GNL3L: variants seen among roughly 807,000 people sequenced by gnomAD.
GNL3L encodes the protein guanine nucleotide-binding protein-like 3-like protein.
A neutral mutation model predicts 42.9 loss-of-function variants in GNL3L; 4 were observed. The ratio of observed to expected loss-of-function variants is 0.09; its 90% CI spans 0.05 to 0.21. The LOEUF (loss-of-function observed/expected upper bound fraction) is 0.21. Ranked by LOEUF, GNL3L falls within the 10% of genes least tolerant of loss-of-function variation. The pLI, the probability that GNL3L is intolerant of heterozygous loss-of-function variation, is 1.00. For synonymous variants in GNL3L, 159 were observed against 176.3 expected, an observed-to-expected ratio of 0.90 and a Z score of 0.78; for missense variants, 412 against 481.7, an observed-to-expected ratio of 0.86 and a Z score of 1.36.
At chrX:54,548,913 G>A (rs140528160) in intron 9 of GNL3L, among the ~76,000 whole-genome samples, 1,697 of 111,436 alleles carry the variant, frequency 0.015, 24 homozygotes, top group African/African-American at 0.053. Flanking sequence ...TACAGAAGAA[G>A]ACACAGAGAA....
chrX:54,555,501 C>T (rs1399693660), intron 14 of GNL3L, among the ~76,000 whole-genome samples: 1 of 109,409 alleles, frequency 9.1e-6, no homozygotes, highest in African/African-American at 3.3e-5. Context: ...GATGGAAACT[C>T]GCTCTGCCAC....
At chrX:54,546,587 C>A (rs766802782) in intron 8 of GNL3L, among the ~76,000 whole-genome samples, 12 of 112,503 alleles carry the variant, frequency 1.1e-4, no homozygotes, top group Non-Finnish European at 1.9e-4. Context: ...TAGCATTAAA[C>A]TTTTAAACCT....
intron 16 of GNL3L, among the ~76,000 whole-genome samples, chrX:54,591,580 G>A (rs1328524384): frequency 1.9e-5 from 2 of 102,952 alleles, no homozygotes; most frequent in African/African-American, 3.6e-5. Flanking sequence ...GTGACAGAGC[G>A]AGACTTTGTC....
intron 16 of GNL3L, among the ~76,000 whole-genome samples, chrX:54,588,137 A>G (rs1925812737): frequency 8.9e-6 from 1 of 111,986 alleles, no homozygotes; most frequent in African/African-American, 3.2e-5. Context: ...TTCTATGTAG[A>G]TTATCATGTC....
downstream of GNL3L, among the ~76,000 whole-genome samples, chrX:54,570,822 T>A (rs1325351504): frequency 8.9e-6 from 1 of 111,867 alleles, no homozygotes; most frequent in Non-Finnish European, 1.9e-5. Context: ...TTATAAACCT[T>A]AAAATACATT....
chrX:54,598,349 A>G (rs753909348), intron 16 of GNL3L, among the ~76,000 whole-genome samples: 1 of 111,613 alleles, frequency 9.0e-6, no homozygotes, highest in Non-Finnish European at 1.9e-5. Context: ...GAGGTATTTG[A>G]AGCCACTGGC....
At chrX:54,630,487 T>A in the GNL3L span, among the ~76,000 whole-genome samples, 4 of 111,108 alleles carry the variant, frequency 3.6e-5, no homozygotes, top group African/African-American at 9.8e-5. Context: ...ACATTTTAAT[T>A]TCCATCTTGA....
chrX:54,579,440 C>T (rs757393026), intron 16 of GNL3L, among the ~76,000 whole-genome samples: 18 of 111,924 alleles, frequency 1.6e-4, no homozygotes, highest in Non-Finnish European at 2.6e-4. Flanking sequence ...CTTGCTTTGC[C>T]GCCCAGGCTG....
chrX:54,633,709 T>TGA, the GNL3L span, among the ~76,000 whole-genome samples: 1 of 111,595 alleles, frequency 9.0e-6, no homozygotes, highest in Non-Finnish European at 1.9e-5. Flanking sequence ...GTGACAGGCC[T>TGA]CACTCAGTTC....
intron 16 of GNL3L, among the ~76,000 whole-genome samples, chrX:54,619,733 G>A (rs940422260): frequency 9.0e-6 from 1 of 111,046 alleles, no homozygotes; most frequent in Non-Finnish European, 1.9e-5. Flanking sequence ...GATGGAGTTA[G>A]GTGGGAAACA....
intron 16 of GNL3L, among the ~76,000 whole-genome samples, chrX:54,608,400 G>T (rs1435052560): frequency 9.1e-6 from 1 of 110,081 alleles, no homozygotes; most frequent in Non-Finnish European, 1.9e-5. Context: ...GTGGTATTTG[G>T]TTACATGAGT....
At chrX:54,613,881 C>CT (rs1484304378) in intron 16 of GNL3L, among the ~76,000 whole-genome samples, 3 of 110,407 alleles carry the variant, frequency 2.7e-5, no homozygotes, top group Non-Finnish European at 5.7e-5. Context: ...GTTTAATGCT[C>CT]TTTTTTTGTG....
intron 2 of GNL3L, among the ~76,000 whole-genome samples, chrX:54,533,384 A>T: frequency 9.2e-6 from 1 of 108,527 alleles, no homozygotes; most frequent in African/African-American, 3.4e-5. Context: ...AAAAAAAAGG[A>T]ATAAAACAAA....
At chrX:54,536,315 G>T (rs1924422319) in intron 2 of GNL3L, among the ~76,000 whole-genome samples, 2 of 109,915 alleles carry the variant, frequency 1.8e-5, no homozygotes, top group South Asian at 3.9e-4. Context: ...GACCTCAAGT[G>T]ATCCACCCGC....
At chrX:54,530,626 C>T (rs1251762698) in intron 1 of GNL3L, among the ~76,000 whole-genome samples, 1 of 112,007 alleles carries the variant, frequency 8.9e-6, no homozygotes. Flanking sequence ...CGTTGATCGT[C>T]CTCAAGATAG....
rs184147879 is a variant in GNL3L, at chrX:54,608,960, C to T, written c.*46-11885C>T. Among the ~76,000 whole-genome samples, 397 of 112,055 alleles carry T rather than the reference C, an allele frequency of 3.5e-3. 1 individual carries two copies. Among genetic ancestry groups the T allele is most frequent in the African/African-American group, 0.012 (376 of 30,909 alleles). ...TTTCCATAGTGGCTGTACTAGTTTA[C>T]ATTCCCATCAGCAGTGTAGAAGTGT... On this transcript the variant is annotated intron_variant, in intron 16 of 16. Transcript: ENST00000674498.
At chrX:54,584,645 A>G (rs1381558939) in intron 16 of GNL3L, among the ~76,000 whole-genome samples, 1 of 112,723 alleles carries the variant, frequency 8.9e-6, no homozygotes, top group Non-Finnish European at 1.9e-5. Flanking sequence ...TACAATGAAC[A>G]TGGTAGTACA....
At chrX:54,643,451 ATAATT>A in the GNL3L span, among the ~76,000 whole-genome samples, 2 of 110,021 alleles carry the variant, frequency 1.8e-5, no homozygotes, top group South Asian at 3.8e-4. Context: ...TTCTTTTTAA[ATAATT>A]TAATTTAATT....
chrX:54,599,468 C>G (rs1007887058), intron 16 of GNL3L, among the ~76,000 whole-genome samples: 1 of 111,317 alleles, frequency 9.0e-6, no homozygotes, highest in Non-Finnish European at 1.9e-5. Context: ...AATCATTTTT[C>G]CCCTGTAGCT....
Sources: gnomAD v4.1 joint callset for allele counts (sites outside exome capture counted in the v4.1 genomes callset) on GRCh38, gnomAD v4.1.1 for gene constraint, MANE v1.5 for transcripts, NCBI Gene and HGNC (gene_info 2026-07-23, HGNC 2026-07-21) for gene names.